Variants in FBXO16 observed in about 807,000 individuals in gnomAD.
The protein encoded by FBXO16 is F-box protein 16, also known as F-box only protein 16.
In FBXO16, 31 loss-of-function variants were observed where a neutral mutation model predicts 41.0. The observed-to-expected ratio is 0.76, with a 90% CI of 0.57 to 1.02. The LOEUF is 1.02. Ranked by LOEUF, FBXO16 falls within the 50% of genes least tolerant of loss-of-function variation. The probability of loss-of-function intolerance (pLI) is 0.00; values close to 1 mark genes in which losing one functional copy is unlikely to be tolerated. For missense variants in FBXO16, 361 were observed against 346.2 expected (o/e 1.04, Z -0.34); for synonymous variants, 133 against 117.8 (o/e 1.13, Z -0.84).
Position 28,463,563 on chromosome 8 carries a change from T to G in FBXO16, c.342+49A>C, listed in dbSNP as rs767642733. 4 of 1,595,518 alleles carry G rather than the reference T, an allele frequency of 2.5e-6. No individual in the cohort carries two copies. The Admixed American group carries it at 6.9e-5, about 28-fold the overall frequency. ...AACTTCTAGTTTCAAGTTTCAAGTT[T>G]CCTAAGGCTGTCCTCACAAAACACC... On this transcript the variant is annotated intron_variant, in intron 4 of 8. Coordinates refer to ENST00000380254, the MANE Select transcript of FBXO16 (RefSeq NM_172366.4).
intron 7 of FBXO16, among the ~76,000 whole-genome samples, chr8:28,442,926 C>A (rs73574637): frequency 4.5e-3 from 683 of 152,220 alleles, no homozygotes; most frequent in African/African-American, 9.2e-3. Context: ...GCGCTCACAT[C>A]TGAAGGCTCT....
chr8:28,438,049 C>A (rs1802711045), intron 7 of FBXO16, among the ~76,000 whole-genome samples: 1 of 152,146 alleles, frequency 6.6e-6, no homozygotes, highest in Non-Finnish European at 1.5e-5. Context: ...GGTGCAGTGG[C>A]TCACATCTGT....
In FBXO16 at chr8:28,463,803, C is replaced by T. The variant is rs201917529; in HGVS notation, c.151G>A (p.Asp51Asn). ...LLGKWFDKWT[D>N]SQRRRILTGL... ...GTGAGGATTCTTCTTCTTTGAGAGT[C>T]TGTCCATTTGTCAAACTGGAAACAC... Residue 51 changes from aspartate to asparagine, a missense_variant, in exon 4 of 9, where the codon GAC (aspartate) becomes AAC (asparagine). Physicochemically the swap from Asp to Asn is conservative, Grantham distance 23. Transcript: ENST00000380254. 8.7e-6 allele frequency: 14 copies of T among 1,613,594 alleles called. No homozygotes were observed. The highest frequency in any genetic ancestry group is 1.6e-4 in the Middle Eastern group (1 of 6,078).
chr8:28,462,673 T>C (rs1184110554), intron 4 of FBXO16, among the ~76,000 whole-genome samples: 1 of 152,232 alleles, frequency 6.6e-6, no homozygotes, highest in African/African-American at 2.4e-5. Context: ...CCAAACTCTA[T>C]GAAAAGACTC....
chr8:28,446,917 A>G (rs1008955341), intron 7 of FBXO16: 1 of 307,610 alleles, frequency 3.3e-6, no homozygotes, highest in African/African-American at 2.2e-5. Context: ...ACAGTTTTCA[A>G]AGCAATTTCA....
chr8:28,428,706 CT>C lies in FBXO16; in HGVS notation c.*20del. The C allele has an allele frequency of 6.4e-7, 1 of 1,570,756 alleles. No homozygotes were observed. Among genetic ancestry groups the C allele is most frequent in the Admixed American group, 1.9e-5 (1 of 52,622 alleles). ...GGAGGCCAGGCGAGATGAGCTGGAA[CT>C]TTTAGGGGAGAGCTGGCACTTAGGG... On this transcript the variant is annotated 3_prime_UTR_variant, in exon 9 of 9. Transcript: ENST00000380254.
intron 3 of FBXO16, among the ~76,000 whole-genome samples, chr8:28,470,208 A>T (rs542992293): frequency 4.7e-4 from 71 of 152,232 alleles, no homozygotes; most frequent in Non-Finnish European, 9.1e-4. Context: ...AAAAAAAAAT[A>T]AAGTCATAAT....
intron 7 of FBXO16, among the ~76,000 whole-genome samples, chr8:28,442,948 G>C (rs1368038105): frequency 6.6e-6 from 1 of 151,928 alleles, no homozygotes; most frequent in Admixed American, 6.6e-5. Context: ...AGTAATGACA[G>C]GCAAAAAGGG....
At chr8:28,481,809 A>AG (rs1430261263) in intron 2 of FBXO16, among the ~76,000 whole-genome samples, 1 of 110,490 alleles carries the variant, frequency 9.1e-6, no homozygotes, top group African/African-American at 3.9e-5. Context: ...ACTCTGTTTC[A>AG]GGAAAAAAAA....
At chr8:28,460,626 T>C (rs1310580997) in intron 4 of FBXO16, among the ~76,000 whole-genome samples, 1 of 151,780 alleles carries the variant, frequency 6.6e-6, no homozygotes, top group Non-Finnish European at 1.5e-5. Context: ...GTTTTCACCA[T>C]ATTGGCCAGG....
intron 7 of FBXO16, among the ~76,000 whole-genome samples, chr8:28,433,554 A>G (rs1015852727): frequency 1.3e-5 from 2 of 152,140 alleles, no homozygotes; most frequent in East Asian, 3.9e-4. Flanking sequence ...GATTCCCGGG[A>G]CTTTTCCCTT....
At position 28,429,298 on chromosome 8, in the gene FBXO16, C is replaced by T. The variant is rs7819123; in HGVS notation, c.869+80G>A. On this transcript the variant is annotated intron_variant, in intron 8 of 8. Coordinates refer to ENST00000380254, the MANE Select transcript of FBXO16 (RefSeq NM_172366.4). ...GTGCCCAGCCTGTTCCCATAATTTA[C>T]ACTCTCCATTAATCAATACATGCAC... 8,261 of 1,497,916 alleles carry T rather than the reference C, an allele frequency of 5.5e-3. 262 individuals are homozygous for T. In the African/African-American group the frequency reaches 0.077, roughly 14 times the overall value. 92.8% of individuals were successfully genotyped at this position (1,497,916 alleles called of 1,614,324 possible).
chr8:28,463,716 T>A lies in FBXO16; in HGVS notation c.238A>T (p.Lys80Ter). 6.2e-7 allele frequency: 1 copy of A among 1,614,220 alleles called. No individual in the cohort carries two copies. Among genetic ancestry groups the A allele is most frequent in the Non-Finnish European group, 8.5e-7 (1 of 1,180,038 alleles). Residue 80 changes from lysine (K) to a stop codon, truncating the protein, a stop_gained, in exon 4 of 9, where the codon AAA becomes TAA. Transcript: ENST00000380254. LOFTEE classifies it high-confidence loss of function. ...QKFCCRKLQEKIPAEALDFTT... is the reference protein window; with the variant it reads ...QKFCCRKLQE The stretch of plus-strand genomic sequence containing the variant: ...AAGTCCAGGGCTTCTGCTGGAATTT[T>A]CTCTTGAAGCTTTCGACAGCAGAAC...
chr8:28,486,228 CT>C (rs1719610018), intron 1 of FBXO16, among the ~76,000 whole-genome samples: 1 of 114,474 alleles, frequency 8.7e-6, no homozygotes, highest in Admixed American at 9.9e-5. Flanking sequence ...TCTTCTTCTT[CT>C]TCTTTTTTTT....
chr8:28,447,347 CTGTT>C (rs1460042246), intron 6 of FBXO16, 74 bp from the exon 7 acceptor site: 5 of 1,279,752 alleles, frequency 3.9e-6, no homozygotes, highest in African/African-American at 3.0e-5. Flanking sequence ...AGCTATTTGT[CTGTT>C]TGAGTTTGTT....
At chr8:28,429,165 G>T (rs1290865045) in intron 8 of FBXO16, among the ~76,000 whole-genome samples, 1 of 152,034 alleles carries the variant, frequency 6.6e-6, no homozygotes, top group Non-Finnish European at 1.5e-5. Flanking sequence ...TTTTAAAATA[G>T]ATATTTTTTA....
intron 2 of FBXO16, among the ~76,000 whole-genome samples, chr8:28,482,727 C>T (rs1274894047): frequency 6.8e-6 from 1 of 146,796 alleles, no homozygotes; most frequent in Non-Finnish European, 1.5e-5. Context: ...CACACCACCA[C>T]GCCCAGCTAA....
In FBXO16 at chr8:28,467,132, T is replaced by C. The variant is rs539648601; in HGVS notation, c.136-3314A>G. Reference sequence around the variant, plus strand: ...TTCTAAAATTACTTTTGGGCAGTGCTATGTGAGTCTGGTGGGGCTGAGCTA... The same window carrying C: ...TTCTAAAATTACTTTTGGGCAGTGCCATGTGAGTCTGGTGGGGCTGAGCTA... On this transcript the variant is annotated intron_variant, in intron 3 of 8. Transcript: ENST00000380254. 2.6e-5 allele frequency among the ~76,000 whole-genome samples: 4 copies of C among 152,240 alleles called. No individual in the cohort carries two copies. The South Asian group carries it at 6.2e-4, about 24-fold the overall frequency.
At chr8:28,430,385 C>T (rs968898603) in intron 7 of FBXO16, among the ~76,000 whole-genome samples, 5 of 152,310 alleles carry the variant, frequency 3.3e-5, no homozygotes, top group South Asian at 4.1e-4. Flanking sequence ...AAGCTGAAAG[C>T]TTACACTTCA....
Sources: allele counts gnomAD v4.1 joint callset (sites outside exome capture counted in the v4.1 genomes callset), GRCh38; gene constraint gnomAD v4.1.1; transcripts MANE v1.5; gene names NCBI Gene and HGNC (gene_info 2026-07-23, HGNC 2026-07-21).